Variants in CSMD3 observed in about 807,000 individuals in gnomAD.
CSMD3 encodes CUB and sushi domain-containing protein 3.
CSMD3 carries 177 observed loss-of-function variants against 435.2 expected under a neutral mutation model. That is an observed-to-expected ratio of 0.41 (90% CI 0.36 to 0.46). CSMD3 has a LOEUF of 0.46. Ranked by LOEUF, CSMD3 falls within the 20% of genes least tolerant of loss-of-function variation. The probability of loss-of-function intolerance (pLI) is 0.34; values close to 1 mark genes in which losing one functional copy is unlikely to be tolerated. For missense variants in CSMD3, 4,265 were observed against 4,504.6 expected (o/e 0.95, Z 1.52); for synonymous variants, 1,656 against 1,520.5 (o/e 1.09, Z -2.07).
At chr8:112,871,489 AAG>A in intron 10 of CSMD3, among the ~76,000 whole-genome samples, 1 of 152,266 alleles carries the variant, frequency 6.6e-6, no homozygotes, top group South Asian at 2.1e-4. Context: ...TATTATAAAA[AAG>A]GGAAATGGAA....
chr8:113,117,965 G>A (rs2090885366), intron 4 of CSMD3, among the ~76,000 whole-genome samples: 1 of 152,138 alleles, frequency 6.6e-6, no homozygotes, highest in Non-Finnish European at 1.5e-5. Context: ...CAGGCTCATA[G>A]GTGGAAGGGA....
At chr8:112,439,040 T>G (rs1814689927) in intron 32 of CSMD3, among the ~76,000 whole-genome samples, 1 of 152,196 alleles carries the variant, frequency 6.6e-6, no homozygotes, top group Non-Finnish European at 1.5e-5. Flanking sequence ...ATTGTACCAA[T>G]CATACTTCCT....
At chr8:112,316,974 G>A (rs1207126318) in intron 47 of CSMD3, among the ~76,000 whole-genome samples, 2 of 151,914 alleles carry the variant, frequency 1.3e-5, no homozygotes, top group Admixed American at 6.6e-5. Flanking sequence ...AATTCTAGCC[G>A]ATTCCAAACA....
chr8:113,352,903 A>C (rs186645060), intron 1 of CSMD3, among the ~76,000 whole-genome samples: 1 of 152,306 alleles, frequency 6.6e-6, no homozygotes. Context: ...TATTTGGGTG[A>C]ATTGGTACAG....
rs761268333 is a variant in CSMD3, at chr8:112,318,841, A to T, written c.7356T>A (p.Cys2452Ter). 1 of 1,605,042 alleles carries T rather than the reference A, an allele frequency of 6.2e-7. No homozygotes were observed. Among genetic ancestry groups the T allele is most frequent in the Non-Finnish European group, 8.5e-7 (1 of 1,172,724 alleles). Residue 2452 changes from cysteine (C) to a stop codon, truncating the protein, a stop_gained, in exon 47 of 71, where the codon TGT (cysteine) becomes TGA (stop). Coordinates refer to ENST00000297405, the MANE Select transcript of CSMD3 (RefSeq NM_198123.2). LOFTEE classifies it high-confidence loss of function. ...RLQMDGAPPV[C>*]QVLCPANELR... is the part of the protein sequence containing the mutation. ...ATCATAGGAACCATTGAATACCTTG[A>T]CAAACTGGAGGTGCTCCATCCATCT...
intron 13 of CSMD3, among the ~76,000 whole-genome samples, chr8:112,776,421 T>A (rs2132223325): frequency 6.6e-6 from 1 of 151,870 alleles, no homozygotes; most frequent in Non-Finnish European, 1.5e-5. Flanking sequence ...TTGACTAAGA[T>A]TTAGGCAACA....
At chr8:112,557,473 T>G (rs1828224525) in intron 24 of CSMD3, among the ~76,000 whole-genome samples, 1 of 152,058 alleles carries the variant, frequency 6.6e-6, no homozygotes, top group South Asian at 2.1e-4. Flanking sequence ...ATTAGAAGGT[T>G]GTGTTGGAAC....
intron 6 of CSMD3, among the ~76,000 whole-genome samples, chr8:112,988,767 C>T (rs767038696): frequency 6.6e-6 from 1 of 151,984 alleles, no homozygotes; most frequent in African/African-American, 2.4e-5. Context: ...GACATTTACA[C>T]CAGAGACTCA....
At chr8:113,206,211 C>A (rs915831440) in intron 3 of CSMD3, among the ~76,000 whole-genome samples, 13 of 151,844 alleles carry the variant, frequency 8.6e-5, no homozygotes, top group African/African-American at 2.7e-4. Flanking sequence ...ATTTTGATTT[C>A]TTTATAGTTA....
intron 18 of CSMD3, among the ~76,000 whole-genome samples, chr8:112,650,781 A>G (rs1170491569): frequency 1.0e-5 from 1 of 96,354 alleles, no homozygotes; most frequent in African/African-American, 4.1e-5. Flanking sequence ...GAACACCAGA[A>G]CCGTTCTAAG....
At chr8:113,001,687 A>T (rs1327840336) in intron 6 of CSMD3, among the ~76,000 whole-genome samples, 1 of 152,110 alleles carries the variant, frequency 6.6e-6, no homozygotes, top group Non-Finnish European at 1.5e-5. Flanking sequence ...ATATACAGGA[A>T]GTCCTCACTT....
At chr8:112,313,866 T>C (rs4308763) in intron 49 of CSMD3, 40 bp downstream of exon 49, 46,940 of 1,505,934 alleles carry the variant, frequency 0.031, 1,312 homozygotes, top group East Asian at 0.12. Context: ...ATACCGAAGA[T>C]GATAGTGAGA....
At chr8:112,783,555 G>T (rs1419129656) in intron 13 of CSMD3, among the ~76,000 whole-genome samples, 2 of 151,590 alleles carry the variant, frequency 1.3e-5, no homozygotes, top group South Asian at 2.1e-4. Context: ...AAAACAACTA[G>T]AAAAATAACA....
chr8:113,082,014 C>T (rs975230683), intron 5 of CSMD3, among the ~76,000 whole-genome samples: 1 of 152,176 alleles, frequency 6.6e-6, no homozygotes, highest in Non-Finnish European at 1.5e-5. Flanking sequence ...AACTGGCCCA[C>T]CTGGACAATC....
At chr8:112,524,038 C>G (rs1343734047) in intron 27 of CSMD3, among the ~76,000 whole-genome samples, 1 of 151,982 alleles carries the variant, frequency 6.6e-6, no homozygotes, top group African/African-American at 2.4e-5. Flanking sequence ...ATTTATTACA[C>G]CAAATAATTA....
chr8:112,877,814 G>A (rs1472056694), intron 10 of CSMD3, among the ~76,000 whole-genome samples: 2 of 152,080 alleles, frequency 1.3e-5, no homozygotes, highest in African/African-American at 4.8e-5. Flanking sequence ...ATAAGCAATA[G>A]GGAAAGGATT....
intron 11 of CSMD3, among the ~76,000 whole-genome samples, chr8:112,835,334 C>A (rs894211728): frequency 1.3e-5 from 2 of 151,848 alleles, no homozygotes; most frequent in Non-Finnish European, 2.9e-5. Context: ...TGAAGCCATG[C>A]GGAATTCCCA....
chr8:112,374,434 A>G (rs925494750), intron 38 of CSMD3, among the ~76,000 whole-genome samples: 1 of 152,182 alleles, frequency 6.6e-6, no homozygotes, highest in Non-Finnish European at 1.5e-5. Context: ...TTGTTTAAAA[A>G]TAGCACCTGC....
intron 17 of CSMD3, among the ~76,000 whole-genome samples, chr8:112,663,035 G>C (rs1474556647): frequency 6.6e-6 from 1 of 152,152 alleles, no homozygotes; most frequent in African/African-American, 2.4e-5. Flanking sequence ...ACAGGTGCTG[G>C]AGAGGATGTG....
Sources: gnomAD v4.1 joint callset for allele counts (sites outside exome capture counted in the v4.1 genomes callset) on GRCh38, gnomAD v4.1.1 for gene constraint, MANE v1.5 for transcripts, NCBI Gene and HGNC (gene_info 2026-07-23, HGNC 2026-07-21) for gene names.